The following CDH13 variants were observed in gnomAD, a reference collection of about 807,000 sequenced individuals.
CDH13 encodes cadherin-13.
A neutral mutation model predicts 63.8 loss-of-function variants in CDH13; 24 were observed. The ratio of observed to expected loss-of-function variants is 0.38; its 90% CI spans 0.27 to 0.53. The LOEUF is 0.53. Ranked by LOEUF, CDH13 falls within the 20% of genes least tolerant of loss-of-function variation. The probability of loss-of-function intolerance (pLI) is 0.85; values close to 1 mark genes in which losing one functional copy is unlikely to be tolerated. For synonymous variants in CDH13, 503 were observed against 355.3 expected (o/e 1.42, Z -4.67); for missense variants, 1,049 against 903.1 (o/e 1.16, Z -2.07).
At chr16:83,074,203 C>A (rs1342732919) in intron 3 of CDH13, among the ~76,000 whole-genome samples, 1 of 152,180 alleles carries the variant, frequency 6.6e-6, no homozygotes. Flanking sequence ...TCTTTTTCTC[C>A]ATATTTTAGG....
intron 4 of CDH13, among the ~76,000 whole-genome samples, chr16:83,199,631 C>G (rs2038968746): frequency 6.6e-6 from 1 of 152,152 alleles, no homozygotes; most frequent in African/African-American, 2.4e-5. Flanking sequence ...ATTTTAAACC[C>G]TTTTAATGAT....
intron 1 of CDH13, among the ~76,000 whole-genome samples, chr16:82,714,104 G>T (rs2032173207): frequency 6.6e-6 from 1 of 152,012 alleles, no homozygotes; most frequent in Admixed American, 6.6e-5. Flanking sequence ...TGAACAAGTG[G>T]GTGTTGTTTT....
intron 5 of CDH13, among the ~76,000 whole-genome samples, chr16:83,267,020 C>T (rs974409859): frequency 3.3e-5 from 5 of 152,176 alleles, no homozygotes; most frequent in Admixed American, 2.0e-4. Context: ...TCTACTTAAA[C>T]ATCGTCATCT....
intron 1 of CDH13, among the ~76,000 whole-genome samples, chr16:82,780,976 T>A (rs774295887): frequency 6.6e-6 from 1 of 152,236 alleles, no homozygotes; most frequent in Non-Finnish European, 1.5e-5. Context: ...AGGGTCACAT[T>A]TGGGGTAGCT....
intron 10 of CDH13, chr16:83,721,056 T>C (rs1045668065): frequency 6.6e-6 from 1 of 152,258 alleles, no homozygotes; most frequent in Admixed American, 6.5e-5. Flanking sequence ...ACACCATTTC[T>C]GGCCAGCATG....
intron 6 of CDH13, among the ~76,000 whole-genome samples, chr16:83,481,605 T>TCCTTCGGA: frequency 6.6e-6 from 1 of 152,306 alleles, no homozygotes; most frequent in East Asian, 1.9e-4. Context: ...AATCAGCCTG[T>TCCTTCGGA]CAGGCTGGCG....
chr16:82,746,976 T>C (rs951527432), intron 1 of CDH13, among the ~76,000 whole-genome samples: 3 of 152,220 alleles, frequency 2.0e-5, no homozygotes, highest in South Asian at 2.1e-4. Flanking sequence ...GTGCAAATAG[T>C]AGAAACTCAG....
At chr16:83,486,678 T>G (rs1374274413) in intron 7 of CDH13, 23 bp downstream of exon 7, 2 of 1,608,380 alleles carry the variant, frequency 1.2e-6, no homozygotes, top group East Asian at 4.5e-5. Flanking sequence ...GAATACACTT[T>G]CTTTTTCACG....
chr16:82,633,613 G>A (rs529192055), intron 1 of CDH13, among the ~76,000 whole-genome samples: 4 of 152,210 alleles, frequency 2.6e-5, no homozygotes, highest in East Asian at 1.9e-4. Flanking sequence ...TCCTGACCTC[G>A]TGATCCACCT....
intron 3 of CDH13, among the ~76,000 whole-genome samples, chr16:83,057,261 C>A (rs1032152703): frequency 1.3e-5 from 2 of 152,158 alleles, no homozygotes; most frequent in East Asian, 3.9e-4. Context: ...CACTGCACCC[C>A]AGTCTCAGGT....
rs77217320 is a variant in CDH13, at chr16:83,479,795, C to T, written c.782-6682C>T. 9.0e-3 allele frequency among the ~76,000 whole-genome samples: 1,375 copies of T among 152,290 alleles called. 14 individuals are homozygous for T. The highest frequency in any genetic ancestry group is 0.031 in the African/African-American group (1,307 of 41,550). ...TGGTCATTAGGAGAGAGGGGTTTAT[C>T]ACATCAGATGTATTAGATATTACAA... On this transcript the variant is annotated intron_variant, in intron 6 of 13. Coordinates refer to ENST00000567109, the MANE Select transcript of CDH13 (RefSeq NM_001257.5).
intron 1 of CDH13, among the ~76,000 whole-genome samples, chr16:82,685,790 A>C (rs1915006882): frequency 6.6e-6 from 1 of 152,200 alleles, no homozygotes; most frequent in Admixed American, 6.5e-5. Context: ...GGAGAGGTTT[A>C]ACCAAGTCTA....
intron 10 of CDH13, among the ~76,000 whole-genome samples, chr16:83,689,782 G>C (rs937316754): frequency 1.3e-5 from 2 of 152,174 alleles, no homozygotes; most frequent in Non-Finnish European, 2.9e-5. Flanking sequence ...TGGGGATTTG[G>C]ATTAGGGCTA....
rs191533261 is a variant in CDH13 at position 83,690,700 on chromosome 16, A to G, written c.1538+12239A>G. On this transcript the variant is annotated intron_variant, in intron 10 of 13. Transcript: ENST00000567109. Reference sequence around the variant, plus strand: ...GATGGTTGCAGTGCAGGCAGTGAGAAGCTGCAGACACTGAATTTGTTGTTG... The same window carrying G: ...GATGGTTGCAGTGCAGGCAGTGAGAGGCTGCAGACACTGAATTTGTTGTTG... Among the ~76,000 whole-genome samples, 217 of 152,186 alleles carry G rather than the reference A, an allele frequency of 1.4e-3. 1 individual carries two copies. Among genetic ancestry groups the G allele is most frequent in the African/African-American group, 4.8e-3 (199 of 41,532 alleles).
At chr16:82,949,770 C>T (rs1431400442) in intron 2 of CDH13, among the ~76,000 whole-genome samples, 1 of 152,030 alleles carries the variant, frequency 6.6e-6, no homozygotes, top group Non-Finnish European at 1.5e-5. Context: ...AGGGCATCTC[C>T]TTGGTTTCTG....
At chr16:83,452,076 A>C (rs60211557) in intron 6 of CDH13, among the ~76,000 whole-genome samples, 29,516 of 151,798 alleles carry the variant, frequency 0.19, 4,026 homozygotes, top group African/African-American at 0.39. Flanking sequence ...TGTCACACGC[A>C]CTCCCCACCG....
intron 1 of CDH13, among the ~76,000 whole-genome samples, chr16:82,822,434 T>G (rs990661611): frequency 1.3e-5 from 2 of 152,252 alleles, no homozygotes; most frequent in African/African-American, 4.8e-5. Context: ...CATACAAATT[T>G]ACTTTTTTAA....
chr16:82,999,661 A>G (rs753129699), intron 2 of CDH13, among the ~76,000 whole-genome samples: 12 of 152,244 alleles, frequency 7.9e-5, no homozygotes, highest in Non-Finnish European at 1.6e-4. Flanking sequence ...CTTCTGTACA[A>G]TAAAAACTGT....
intron 11 of CDH13, among the ~76,000 whole-genome samples, chr16:83,762,724 G>T (rs141676798): frequency 6.6e-6 from 1 of 152,266 alleles, no homozygotes; most frequent in Non-Finnish European, 1.5e-5. Flanking sequence ...CTCTGAGACT[G>T]GTCTTCCTGC....
Sources: allele counts gnomAD v4.1 joint callset (sites outside exome capture counted in the v4.1 genomes callset), GRCh38; gene constraint gnomAD v4.1.1; transcripts MANE v1.5; gene names NCBI Gene and HGNC (gene_info 2026-07-23, HGNC 2026-07-21).